The following BUB1B variants were observed in gnomAD, a reference collection of about 807,000 sequenced individuals.
BUB1B encodes mitotic checkpoint serine/threonine-protein kinase BUB1 beta.
BUB1B carries 86 observed loss-of-function variants against 137.7 expected under a neutral mutation model. The observed-to-expected ratio is 0.62, with a 90% CI of 0.52 to 0.75. The LOEUF (loss-of-function observed/expected upper bound fraction) is 0.75, where lower values mean the gene tolerates loss of function less well. BUB1B is among the 30% of genes least tolerant of loss of function. The pLI, the probability that BUB1B is intolerant of heterozygous loss-of-function variation, is 0.00. For synonymous variants in BUB1B, 420 were observed against 417.9 expected, an observed-to-expected ratio of 1.00 and a Z score of -0.06; for missense variants, 1,130 against 1,236.9, an observed-to-expected ratio of 0.91 and a Z score of 1.30.
intron 2 of BUB1B, among the ~76,000 whole-genome samples, chr15:40,167,981 A>G (rs1227296961): frequency 6.6e-6 from 1 of 152,082 alleles, no homozygotes; most frequent in Non-Finnish European, 1.5e-5. Flanking sequence ...GTTCTTTTCA[A>G]AATTGCTTTA....
intron 22 of BUB1B, among the ~76,000 whole-genome samples, chr15:40,219,875 C>T (rs2037868259): frequency 6.6e-6 from 1 of 151,848 alleles, no homozygotes; most frequent in East Asian, 1.9e-4. Context: ...TTGAATTGTA[C>T]TTTTCTCTTC....
intron 5 of BUB1B, among the ~76,000 whole-genome samples, chr15:40,179,507 A>G (rs576870893): frequency 4.5e-4 from 68 of 152,126 alleles, no homozygotes; most frequent in South Asian, 3.9e-3. Context: ...CTATGTCTTT[A>G]TATTTTTTAA....
At chr15:40,209,977 AT>A in intron 17 of BUB1B, 132 bp from the exon 18 acceptor site, 1 of 986,112 alleles carries the variant, frequency 1.0e-6, no homozygotes, top group Non-Finnish European at 1.5e-6. Context: ...TTAACAAATT[AT>A]TTTTAAAAGT....
At chr15:40,170,164 A>AT (rs1566815966) in intron 3 of BUB1B, 43 bp downstream of exon 3, 1 of 1,549,454 alleles carries the variant, frequency 6.5e-7, no homozygotes, top group Admixed American at 1.7e-5. Flanking sequence ...ACATTAACAG[A>AT]TAAGTCCTTA....
intron 5 of BUB1B, among the ~76,000 whole-genome samples, chr15:40,176,964 C>T (rs1393488054): frequency 1.3e-5 from 2 of 152,118 alleles, no homozygotes; most frequent in African/African-American, 4.8e-5. Context: ...CTATGCTGAA[C>T]CCAAACCCCT....
intron 9 of BUB1B, among the ~76,000 whole-genome samples, chr15:40,198,807 G>C (rs2037529532): frequency 6.6e-6 from 1 of 152,022 alleles, no homozygotes; most frequent in Non-Finnish European, 1.5e-5. Context: ...GCAAAACCCT[G>C]CATGGCCAAG....
intron 15 of BUB1B, among the ~76,000 whole-genome samples, chr15:40,208,260 A>G (rs2037661886): frequency 6.6e-6 from 1 of 152,110 alleles, no homozygotes; most frequent in African/African-American, 2.4e-5. Flanking sequence ...CATTAAGGCC[A>G]GGTGCAGTGG....
At chr15:40,203,813 A>C (rs1000270614) in intron 14 of BUB1B, among the ~76,000 whole-genome samples, 4 of 152,200 alleles carry the variant, frequency 2.6e-5, no homozygotes, top group African/African-American at 9.6e-5. Context: ...ATTTTATTAA[A>C]GTTTTAAGGA....
At chr15:40,162,239 G>C (rs942605421) in intron 1 of BUB1B, among the ~76,000 whole-genome samples, 1 of 152,194 alleles carries the variant, frequency 6.6e-6, no homozygotes, top group African/African-American at 2.4e-5. Context: ...GCTAGGGGAG[G>C]AAGTTGCACC....
At chr15:40,171,830 G>GTACT (rs1408092597) in intron 4 of BUB1B, among the ~76,000 whole-genome samples, 2 of 151,808 alleles carry the variant, frequency 1.3e-5, no homozygotes, top group Non-Finnish European at 2.9e-5. Context: ...GCACTACTTT[G>GTACT]TACTGTCTTA....
chr15:40,213,264 A>C, intron 19 of BUB1B, 68 bp from the exon 20 acceptor site: 1 of 1,552,086 alleles, frequency 6.4e-7, no homozygotes, highest in Non-Finnish European at 8.9e-7. Context: ...TCAGTTTTCA[A>C]GGTATTGAGT....
At chr15:40,219,545 T>C (rs920912509) in intron 22 of BUB1B, among the ~76,000 whole-genome samples, 4 of 152,012 alleles carry the variant, frequency 2.6e-5, no homozygotes, top group African/African-American at 9.7e-5. Flanking sequence ...TGGCGAAACC[T>C]TGTCTCTACT....
intron 4 of BUB1B, among the ~76,000 whole-genome samples, chr15:40,171,298 A>G (rs1385066915): frequency 1.3e-5 from 2 of 152,158 alleles, no homozygotes; most frequent in African/African-American, 4.8e-5. Flanking sequence ...CTGTAGTCCC[A>G]ACACTTTGAG....
At chr15:40,217,751 T>G in intron 21 of BUB1B, 84 bp downstream of exon 21, 1 of 1,487,382 alleles carries the variant, frequency 6.7e-7, no homozygotes, top group Non-Finnish European at 9.4e-7. Flanking sequence ...AGCTACTGTT[T>G]ACTGATACCG....
At chr15:40,178,563 T>C (rs1191064841) in intron 5 of BUB1B, among the ~76,000 whole-genome samples, 4 of 152,128 alleles carry the variant, frequency 2.6e-5, no homozygotes, top group Non-Finnish European at 5.9e-5. Flanking sequence ...ATTCTGTAAA[T>C]ATAATTTAGG....
intron 8 of BUB1B, among the ~76,000 whole-genome samples, chr15:40,195,831 G>T (rs1404144242): frequency 1.3e-5 from 2 of 151,986 alleles, no homozygotes; most frequent in African/African-American, 2.4e-5. Flanking sequence ...AGGATTGTTT[G>T]TTTTTTTCTT....
At chr15:40,203,846 C>T (rs1047110765) in intron 14 of BUB1B, among the ~76,000 whole-genome samples, 1 of 152,104 alleles carries the variant, frequency 6.6e-6, no homozygotes, top group African/African-American at 2.4e-5. Flanking sequence ...CTCTTCAAAC[C>T]AGCCTCTGGA....
chr15:40,175,377 A>G (rs763219745), intron 4 of BUB1B, among the ~76,000 whole-genome samples: 1 of 152,220 alleles, frequency 6.6e-6, no homozygotes, highest in Non-Finnish European at 1.5e-5. Context: ...AGCCTGGGCA[A>G]CAGAGCAAGA....
intron 14 of BUB1B, among the ~76,000 whole-genome samples, chr15:40,203,079 C>T (rs1288067963): frequency 6.6e-6 from 1 of 152,152 alleles, no homozygotes; most frequent in Non-Finnish European, 1.5e-5. Flanking sequence ...TAATTGAAAA[C>T]ACATGTTCAT....
Sources: gnomAD v4.1 joint callset for allele counts (sites outside exome capture counted in the v4.1 genomes callset) on GRCh38, gnomAD v4.1.1 for gene constraint, MANE v1.5 for transcripts, NCBI Gene and HGNC (gene_info 2026-07-23, HGNC 2026-07-21) for gene names.